The following ADH6 variants were observed in gnomAD, a reference collection of about 807,000 sequenced individuals.
ADH6 encodes alcohol dehydrogenase 6 (class V), also known as alcohol dehydrogenase 6.
Under a neutral mutation model 36.5 loss-of-function variants are expected in ADH6, and 34 were observed. That is an observed-to-expected ratio of 0.93 (90% CI 0.71 to 1.24). The LOEUF (loss-of-function observed/expected upper bound fraction) is 1.24, where lower values mean the gene tolerates loss of function less well. Among genes scored for constraint, ADH6 ranks in the 50% most tolerant of loss-of-function variants. ADH6 has a pLI of 0.00. For missense variants in ADH6, 440 were observed against 447.0 expected (o/e 0.98, Z 0.14); for synonymous variants, 161 against 155.5 (o/e 1.04, Z -0.26).
At chr4:99,208,454 T>C in intron 6 of ADH6, 1 of 460,432 alleles carries the variant, frequency 2.2e-6, no homozygotes, top group Non-Finnish European at 3.7e-6. Flanking sequence ...GCTTAAAACT[T>C]CTGGCTTTGA....
intron 1 of ADH6, among the ~76,000 whole-genome samples, chr4:99,216,909 A>T (rs1731452714): frequency 6.6e-6 from 1 of 152,176 alleles, no homozygotes; most frequent in East Asian, 1.9e-4. Flanking sequence ...TATAATGTGT[A>T]GTGACCAAGT....
chr4:99,214,825 A>T (rs1731344951), intron 2 of ADH6, among the ~76,000 whole-genome samples: 2 of 152,234 alleles, frequency 1.3e-5, no homozygotes, highest in Admixed American at 1.3e-4. Flanking sequence ...CCTGCAACCC[A>T]ACTGTAGAAA....
In ADH6 at chr4:99,208,711, C is replaced by T. The variant is rs1560805258; in HGVS notation, c.785G>A (p.Gly262Asp). 6.2e-7 allele frequency: 1 copy of T among 1,613,754 alleles called. No individual in the cohort carries two copies. The highest frequency in any genetic ancestry group is 1.1e-5 in the South Asian group (1 of 91,074). Residue 262 changes from glycine to aspartate, a missense_variant, in exon 6 of 9, where the codon GGT (glycine) becomes GAT (aspartate). By Grantham distance (94) the Gly-to-Asp change is moderately conservative. Transcript: ENST00000394899. ...AATGGCCTCAAAGCAGAAGTCTATA[C>T]CAGCATCTGTCATATCAAATAAAAC... ...QEVLFDMTDAGIDFCFEAIGN... is the reference protein window; with the variant it reads ...QEVLFDMTDADIDFCFEAIGN...
chr4:99,209,728 G>A (rs1731158261), intron 5 of ADH6, among the ~76,000 whole-genome samples: 2 of 152,068 alleles, frequency 1.3e-5, no homozygotes. Context: ...TCTAGCACCT[G>A]GGACAGTGAA....
Position 99,213,608 on chromosome 4 carries a change from G to T in ADH6, c.260C>A (p.Pro87Gln). ...TATTACCAGGTGCTAATTCCTACCTGGTTTCACTGTGCTTACTCCTTCTCC... is the reference window on the plus strand; with the variant it reads ...TATTACCAGGTGCTAATTCCTACCTTGTTTCACTGTGCTTACTCCTTCTCC... The part of the protein sequence containing the change: ...SIGEGVSTVK[P>Q]GDKVITLFLP... The change falls in exon 3 of 9, where the codon CCA becomes CAA. Residue 87 changes from proline (P) to glutamine (Q), a missense_variant and splice_region_variant. Pro to Gln is a moderately conservative substitution (Grantham distance 76, BLOSUM62 -1). Transcript: ENST00000394899. The T allele has an allele frequency of 6.3e-7, 1 of 1,599,982 alleles. No individual in the cohort carries two copies. Among genetic ancestry groups the T allele is most frequent in the African/African-American group, 1.3e-5 (1 of 74,186 alleles).
In ADH6 at chr4:99,210,193, C is replaced by T; in HGVS notation, c.456G>A (p.Val152=). 1.2e-6 allele frequency: 2 copies of T among 1,613,836 alleles called. No homozygotes were observed. The highest frequency in any genetic ancestry group is 1.7e-6 in the Non-Finnish European group (2 of 1,179,850). The stretch of plus-strand genomic sequence containing the variant: ...TCTTGGCAACTGAGATTTCCTTTAT[C>T]ACTGTGTATTCACAGAAGGTGCTGG... The part of the protein sequence containing the change: ...GNTSTFCEYT[V]IKEISVAKID... Residue 152 remains valine, a synonymous_variant, in exon 5 of 9, where the codon GTG becomes GTA. Transcript: ENST00000394899.
rs187638130 is a variant in ADH6, at chr4:99,217,236, C to T, written c.19-974G>A. On this transcript the variant is annotated intron_variant, in intron 1 of 8. Coordinates refer to ENST00000394899, the MANE Select transcript of ADH6 (RefSeq NM_001102470.2). ...TATTTTTAGTAGAGACGGGGTTTCA[C>T]TGTGTTAGCCAGGATGTTCTTGATC... Among the ~76,000 whole-genome samples the T allele has an allele frequency of 2.0e-5, 3 of 152,238 alleles. No individual in the cohort carries two copies. The East Asian group carries it at 5.8e-4, about 30-fold the overall frequency.
At chr4:99,216,597 A>T (rs1437322123) in intron 1 of ADH6, among the ~76,000 whole-genome samples, 1 of 152,086 alleles carries the variant, frequency 6.6e-6, no homozygotes, top group Non-Finnish European at 1.5e-5. Context: ...CTGTAATTCC[A>T]GCACTTTGGG....
At chr4:99,212,393 C>A (rs1731256145) in intron 3 of ADH6, among the ~76,000 whole-genome samples, 1 of 151,754 alleles carries the variant, frequency 6.6e-6, no homozygotes, top group African/African-American at 2.4e-5. Context: ...TTATGGGGTA[C>A]AATGTGATAT....
chr4:99,216,629 A>C (rs932261548), intron 1 of ADH6, among the ~76,000 whole-genome samples: 2 of 151,934 alleles, frequency 1.3e-5, no homozygotes, highest in Admixed American at 6.6e-5. Context: ...GGCGGATCAC[A>C]AGGTCGGGAG....
chr4:99,205,177 C>A, intron 7 of ADH6, 114 bp from the exon 8 acceptor site: 1 of 1,154,036 alleles, frequency 8.7e-7, no homozygotes, highest in Non-Finnish European at 1.2e-6. Flanking sequence ...TAAGCCTGTC[C>A]CGTTTACTTG....
In ADH6 at chr4:99,208,082, A is replaced by T. The variant is rs528145980; in HGVS notation, c.829-501T>A. 3.9e-5 allele frequency among the ~76,000 whole-genome samples: 6 copies of T among 152,272 alleles called. No individual in the cohort carries two copies. In the South Asian group the frequency reaches 1.2e-3, roughly 32 times the overall value. On this transcript the variant is annotated intron_variant, in intron 6 of 8. Coordinates refer to ENST00000394899, the MANE Select transcript of ADH6 (RefSeq NM_001102470.2). ...TAAAGGAATTTATGTATGGTGAATC[A>T]TGAAAAGATTTTTTATGCTGGGAAA...
chr4:99,206,174 C>A (rs1731027227), intron 7 of ADH6, among the ~76,000 whole-genome samples: 2 of 152,040 alleles, frequency 1.3e-5, no homozygotes, highest in African/African-American at 4.8e-5. Flanking sequence ...TGTTTCTCAA[C>A]AAGGGCACTA....
At chr4:99,204,831 T>A in intron 8 of ADH6, 94 bp downstream of exon 8, 1 of 1,480,452 alleles carries the variant, frequency 6.8e-7, no homozygotes, top group Non-Finnish European at 8.9e-7. Flanking sequence ...ATACAGCTTC[T>A]GCAGCAGGGA....
rs1050201146 is a variant in ADH6 at position 99,204,713 on chromosome 4, A to C, written c.1103+212T>G. On this transcript the variant is annotated intron_variant, in intron 8 of 8. Coordinates refer to ENST00000394899, the MANE Select transcript of ADH6 (RefSeq NM_001102470.2). The stretch of plus-strand genomic sequence containing the variant: ...TAATGGCAAAAGTAACGGTAGGTGA[A>C]CACTTAAATACTTTCAGGATTATGT... 2.4e-6 allele frequency: 3 copies of C among 1,258,154 alleles called. No homozygotes were observed. In the African/African-American group the frequency reaches 4.7e-5, roughly 20 times the overall value. 77.9% of individuals were successfully genotyped at this position (1,258,154 alleles called of 1,614,324 possible).
chr4:99,213,111 C>CT (rs564784878), intron 3 of ADH6, among the ~76,000 whole-genome samples: 267 of 152,108 alleles, frequency 1.8e-3, no homozygotes, highest in Non-Finnish European at 3.2e-3. Context: ...ACCCAATTTA[C>CT]TTTTTTAGCC....
At chr4:99,215,711 T>G (rs936333145) in intron 2 of ADH6, 4 of 152,494 alleles carry the variant, frequency 2.6e-5, no homozygotes, top group Admixed American at 1.3e-4. Flanking sequence ...CGCAGCTGGC[T>G]TCAGTCTTCG....
chr4:99,217,224 G>A (rs1329623823), intron 1 of ADH6, among the ~76,000 whole-genome samples: 1 of 152,050 alleles, frequency 6.6e-6, no homozygotes, highest in East Asian at 1.9e-4. Flanking sequence ...TTTTAGTAGA[G>A]ACGGGGTTTC....
chr4:99,211,004 T>G (rs995238340), intron 3 of ADH6, among the ~76,000 whole-genome samples: 1 of 152,146 alleles, frequency 6.6e-6, no homozygotes, highest in Non-Finnish European at 1.5e-5. Context: ...TCTCTAGTAG[T>G]GGTCAAAGTA....
Sources: allele counts gnomAD v4.1 joint callset (sites outside exome capture counted in the v4.1 genomes callset), GRCh38; gene constraint gnomAD v4.1.1; transcripts MANE v1.5; gene names NCBI Gene and HGNC (gene_info 2026-07-23, HGNC 2026-07-21).